CNBD1: variants seen among roughly 807,000 people sequenced by gnomAD.
The protein encoded by CNBD1 is cyclic nucleotide binding domain containing 1.
Under a neutral mutation model 54.4 loss-of-function variants are expected in CNBD1, and 71 were observed. The observed-to-expected ratio is 1.30, with a 90% confidence interval of 1.08 to 1.59. CNBD1 has a LOEUF of 1.59. Among genes scored for constraint, CNBD1 ranks in the 40% most tolerant of loss-of-function variants. The probability of loss-of-function intolerance (pLI) is 0.00; values close to 1 mark genes in which losing one functional copy is unlikely to be tolerated. For synonymous variants in CNBD1, 182 were observed against 170.7 expected (o/e 1.07, Z -0.51); for missense variants, 659 against 518.0 (o/e 1.27, Z -2.64).
chr8:87,176,669 T>C (rs957598775), intron 4 of CNBD1, among the ~76,000 whole-genome samples: 12 of 150,468 alleles, frequency 8.0e-5, no homozygotes, highest in African/African-American at 2.7e-4. Context: ...TTTTTTTTTT[T>C]CATTAGAGAC....
At chr8:87,235,095 C>T (rs1189645613) in intron 5 of CNBD1, among the ~76,000 whole-genome samples, 1 of 152,196 alleles carries the variant, frequency 6.6e-6, no homozygotes, top group South Asian at 2.1e-4. Context: ...GGAGCTTCCT[C>T]ACCCTCTCTT....
chr8:86,891,649 G>C (rs113059447), intron 2 of CNBD1, among the ~76,000 whole-genome samples: 69 of 152,072 alleles, frequency 4.5e-4, no homozygotes, highest in African/African-American at 1.4e-3. Flanking sequence ...GATACAGTTT[G>C]CCTTGAATCT....
downstream of CNBD1, among the ~76,000 whole-genome samples, chr8:87,385,614 G>A (rs192760075): frequency 0.019 from 2,857 of 152,220 alleles, 91 homozygotes; most frequent in African/African-American, 0.062. Flanking sequence ...AAACAAAGTG[G>A]CTGGGAAGCT....
chr8:87,410,897 A>T (rs928465876), intron 2 of CNBD1, among the ~76,000 whole-genome samples: 11 of 152,158 alleles, frequency 7.2e-5, no homozygotes, highest in Non-Finnish European at 1.5e-4. Context: ...CAAAAAGATT[A>T]TGACTCACTG....
chr8:86,953,278 T>C lies in CNBD1; in HGVS notation c.431+13524T>C, dbSNP rs367904981. On this transcript the variant is annotated intron_variant, in intron 4 of 10. Coordinates refer to ENST00000518476, the MANE Select transcript of CNBD1 (RefSeq NM_173538.3). ...ATTGGGTAGGAAAAACTTAATCATA[T>C]GTTAAACTTCTGAAGCAACTGCCAA... is the stretch of plus-strand genomic sequence containing the variant. Among the ~76,000 whole-genome samples, 120 of 152,316 alleles carry C rather than the reference T, an allele frequency of 7.9e-4. 3 individuals carry two copies. In the South Asian group the frequency reaches 0.021, roughly 26 times the overall value.
rs114877591 is a variant in CNBD1, at chr8:87,254,576, T to G, written c.771+17464T>G. ...CTGAATATTCTTCTCAGTATAGATA[T>G]GCATGTAGAGGGATGGTGCTAATGA... is the stretch of plus-strand genomic sequence containing the variant. On this transcript the variant is annotated intron_variant, in intron 6 of 10. Transcript: ENST00000518476. 5.2e-3 allele frequency among the ~76,000 whole-genome samples: 786 copies of G among 152,296 alleles called. 6 individuals carry two copies. The highest frequency in any genetic ancestry group is 0.018 in the African/African-American group (741 of 41,568).
intron 4 of CNBD1, among the ~76,000 whole-genome samples, chr8:86,961,326 A>G (rs898511702): frequency 6.6e-6 from 1 of 152,228 alleles, no homozygotes; most frequent in Non-Finnish European, 1.5e-5. Flanking sequence ...TTAAAAGCCA[A>G]ACTTCCCCAG....
At chr8:87,282,902 C>A (rs1808624124) in intron 6 of CNBD1, among the ~76,000 whole-genome samples, 1 of 152,014 alleles carries the variant, frequency 6.6e-6, no homozygotes, top group African/African-American at 2.4e-5. Context: ...AAATCCTGAG[C>A]AGGAATATAA....
At chr8:87,043,129 G>C (rs901917887) in intron 4 of CNBD1, among the ~76,000 whole-genome samples, 1 of 152,234 alleles carries the variant, frequency 6.6e-6, no homozygotes, top group African/African-American at 2.4e-5. Flanking sequence ...AGTGGGAAAT[G>C]TTACAGGGTC....
At chr8:87,307,330 T>C (rs1229689652) in intron 8 of CNBD1, among the ~76,000 whole-genome samples, 2 of 152,228 alleles carry the variant, frequency 1.3e-5, no homozygotes, top group African/African-American at 4.8e-5. Flanking sequence ...GGACACTAGC[T>C]ACAGGTATTT....
rs191310597 is a variant in CNBD1 at position 87,341,124 on chromosome 8, G to A, written c.1043-10561G>A. 2.0e-4 allele frequency among the ~76,000 whole-genome samples: 31 copies of A among 152,234 alleles called. No individual in the cohort carries two copies. The East Asian group carries it at 5.8e-3, about 29-fold the overall frequency. On this transcript the variant is annotated intron_variant, in intron 8 of 10. Transcript: ENST00000518476. ...GATGTATCTTCTTGGACTTGTGCTT[G>A]TAAATTTCTAATTCAAGATATTTTC...
intron 8 of CNBD1, among the ~76,000 whole-genome samples, chr8:87,332,739 G>A (rs1295925501): frequency 2.0e-5 from 3 of 152,082 alleles, no homozygotes; most frequent in Non-Finnish European, 4.4e-5. Context: ...TGGTCTGTAT[G>A]TCTGTTTTTG....
chr8:87,068,626 T>C (rs911781353), intron 4 of CNBD1, among the ~76,000 whole-genome samples: 1 of 152,094 alleles, frequency 6.6e-6, no homozygotes, highest in South Asian at 2.1e-4. Flanking sequence ...ATATAGTAAA[T>C]AAGTACATCC....
chr8:87,224,123 T>C (rs1814417200), intron 5 of CNBD1, among the ~76,000 whole-genome samples: 1 of 151,970 alleles, frequency 6.6e-6, no homozygotes, highest in Admixed American at 6.6e-5. Context: ...TTTGAGTTCA[T>C]TGTAGATTCT....
At chr8:86,965,703 G>T (rs953680979) in intron 4 of CNBD1, among the ~76,000 whole-genome samples, 1 of 152,124 alleles carries the variant, frequency 6.6e-6, no homozygotes, top group Non-Finnish European at 1.5e-5. Context: ...GCTGCGGGTG[G>T]CTTTGCCTGA....
intron 4 of CNBD1, among the ~76,000 whole-genome samples, chr8:87,096,492 A>G (rs1363026015): frequency 1.3e-5 from 2 of 152,166 alleles, no homozygotes; most frequent in African/African-American, 4.8e-5. Context: ...ATTTTAGGGT[A>G]AACAATTAGA....
At chr8:87,312,190 C>A (rs1401306706) in intron 8 of CNBD1, among the ~76,000 whole-genome samples, 2 of 151,804 alleles carry the variant, frequency 1.3e-5, no homozygotes, top group Admixed American at 6.6e-5. Context: ...ACATATATTC[C>A]CCTCCCCCCA....
Position 87,237,092 on chromosome 8 carries a change from C to G in CNBD1, c.751C>G (p.Leu251Val), listed in dbSNP as rs762963909. The G allele has an allele frequency of 6.2e-7, 1 of 1,609,070 alleles. No individual in the cohort carries two copies. The highest frequency in any genetic ancestry group is 1.1e-5 in the South Asian group (1 of 90,540). The change falls in exon 6 of 11, where the codon CTA becomes GTA. Residue 251 changes from leucine to valine, a missense_variant. Coordinates refer to ENST00000518476, the MANE Select transcript of CNBD1 (RefSeq NM_173538.3). ...FKNSTLAEMY[L>V]PSYDSMLSKW... Reference sequence around the variant, plus strand: ...AAACTCTACACTTGCTGAGATGTACCTACCTTCATATGACTCAATGGTAAG... The same window carrying G: ...AAACTCTACACTTGCTGAGATGTACGTACCTTCATATGACTCAATGGTAAG...
At chr8:87,327,978 T>A (rs1032888213) in intron 8 of CNBD1, among the ~76,000 whole-genome samples, 3 of 152,166 alleles carry the variant, frequency 2.0e-5, no homozygotes, top group African/African-American at 2.4e-5. Context: ...TTTCTTTTTT[T>A]AAAAGTTTAG....
Sources: gnomAD v4.1 joint callset for allele counts (sites outside exome capture counted in the v4.1 genomes callset) on GRCh38, gnomAD v4.1.1 for gene constraint, MANE v1.5 for transcripts, NCBI Gene and HGNC (gene_info 2026-07-23, HGNC 2026-07-21) for gene names.